The following TRAK1 variants were observed in gnomAD, a reference collection of about 807,000 sequenced individuals.
The protein encoded by TRAK1 is trafficking kinesin protein 1, also known as trafficking kinesin-binding protein 1.
A neutral mutation model predicts 92.1 loss-of-function variants in TRAK1; 33 were observed. The ratio of observed to expected loss-of-function variants is 0.36; its 90% CI spans 0.27 to 0.48. The LOEUF is 0.48. TRAK1 is among the 20% of genes least tolerant of loss of function. TRAK1 has a pLI of 0.99. For synonymous variants in TRAK1, 521 were observed against 517.3 expected (o/e 1.01, Z -0.10); for missense variants, 1,123 against 1,257.9 (o/e 0.89, Z 1.62).
At chr3:42,032,217 ATGC>A (rs1010888565) in intron 1 of TRAK1, among the ~76,000 whole-genome samples, 3 of 152,224 alleles carry the variant, frequency 2.0e-5, no homozygotes, top group Admixed American at 6.5e-5. Context: ...ACAGAAAATC[ATGC>A]TGCTTTCTGG....
At chr3:42,103,798 C>T (rs1256015142) in intron 1 of TRAK1, among the ~76,000 whole-genome samples, 1 of 152,132 alleles carries the variant, frequency 6.6e-6, no homozygotes, top group African/African-American at 2.4e-5. Flanking sequence ...TTCTTCATTT[C>T]CAACTGAGGT....
chr3:42,160,301 CG>C, intron 2 of TRAK1: 1 of 1,594,136 alleles, frequency 6.3e-7, no homozygotes, highest in Non-Finnish European at 8.6e-7. Flanking sequence ...GGTAGGGGGT[CG>C]GGGGCACCCC....
At chr3:42,138,015 C>T (rs1214071726) in intron 2 of TRAK1, among the ~76,000 whole-genome samples, 2 of 115,210 alleles carry the variant, frequency 1.7e-5, no homozygotes, top group African/African-American at 5.9e-5. Flanking sequence ...GTTTTATGAC[C>T]ATTTCTTAAT....
chr3:42,092,090 C>T (rs1211375568), intron 1 of TRAK1, among the ~76,000 whole-genome samples: 9 of 152,130 alleles, frequency 5.9e-5, no homozygotes, highest in Non-Finnish European at 1.2e-4. Flanking sequence ...CCCTCTCTTC[C>T]ACCCTCCCTT....
upstream of TRAK1, among the ~76,000 whole-genome samples, chr3:42,088,433 A>G (rs1704802820): frequency 6.6e-6 from 1 of 152,140 alleles, no homozygotes; most frequent in African/African-American, 2.4e-5. Context: ...CCCCTGAAGG[A>G]CACAGTTCCA....
chr3:42,206,672 T>G (rs1347812896), intron 13 of TRAK1, among the ~76,000 whole-genome samples: 2 of 152,216 alleles, frequency 1.3e-5, no homozygotes, highest in African/African-American at 2.4e-5. Context: ...TTGGCTGTTC[T>G]TACATGGGTG....
At chr3:42,083,587 G>A (rs544077526), upstream of TRAK1, among the ~76,000 whole-genome samples, 138 of 152,240 alleles carry the variant, frequency 9.1e-4, no homozygotes, top group African/African-American at 3.1e-3. Context: ...AAATTTCTGA[G>A]GAACTGGCTG....
chr3:42,052,892 C>T (rs1401880420), intron 1 of TRAK1, among the ~76,000 whole-genome samples: 1 of 152,158 alleles, frequency 6.6e-6, no homozygotes, highest in African/African-American at 2.4e-5. Context: ...AAACTGGTGG[C>T]TGAATGCGTA....
At position 42,202,577 on chromosome 3, in the gene TRAK1, G is replaced by A; in HGVS notation, c.1569G>A (p.Lys523=). 2 of 1,587,332 alleles carry A rather than the reference G, an allele frequency of 1.3e-6. No individual in the cohort carries two copies. The highest frequency in any genetic ancestry group is 1.7e-6 in the Non-Finnish European group (2 of 1,160,524). Residue 523 remains lysine, a synonymous_variant, in exon 13 of 16, where the codon AAG becomes AAA. Transcript: ENST00000327628. This position sits in a 1 kb window ranked among gnomAD's most constrained non-coding sequence, Gnocchi z 6.1. The stretch of plus-strand genomic sequence containing the variant: ...TCTTTGAGGAGGAGCAAGAGAGGAA[G>A]CTCCAGGAGCTGGCGGAGAAGGGCG... ...RRFFEEEQER[K]LQELAEKGEL... is the part of the protein sequence containing the mutation.
In TRAK1 at chr3:42,170,972, T is replaced by C. The variant is rs187852457; in HGVS notation, c.287-5842T>C. Among the ~76,000 whole-genome samples the C allele has an allele frequency of 6.4e-3, 969 of 152,156 alleles. 9 individuals carry two copies. Among genetic ancestry groups the C allele is most frequent in the Non-Finnish European group, 7.6e-3 (515 of 67,996 alleles). On this transcript the variant is annotated intron_variant, in intron 2 of 15. Transcript: ENST00000327628. ...CCCAGTGGCTGGGACTACAGGTGCC[T>C]GCCACCACACCCTGCTAATTTTTTT...
Position 42,125,460 on chromosome 3 carries a change from T to C in TRAK1, c.132T>C (p.Ile44=). 1 of 1,614,222 alleles carries C rather than the reference T, an allele frequency of 6.2e-7. No individual in the cohort carries two copies. Among genetic ancestry groups the C allele is most frequent in the Non-Finnish European group, 8.5e-7 (1 of 1,180,040 alleles). ...NSTDLPEVEI[I]SLLEEQLPHY... is the part of the protein sequence containing the mutation. ...CCGATCTTCCGGAAGTCGAGATCAT[T>C]AGCCTGCTGGAGGAGCAGCTGCCCC... The change falls in exon 2 of 16, where the codon ATT becomes ATC. Residue 44 remains isoleucine, a synonymous_variant. Coordinates refer to ENST00000327628, the MANE Select transcript of TRAK1 (RefSeq NM_001042646.3).
chr3:42,019,527 C>G (rs1311556606), intron 1 of TRAK1, among the ~76,000 whole-genome samples: 1 of 152,124 alleles, frequency 6.6e-6, no homozygotes, highest in Non-Finnish European at 1.5e-5. Context: ...CTTGGCCTCC[C>G]GAAGTACTGG....
chr3:42,024,902 A>T (rs759100901), intron 1 of TRAK1, among the ~76,000 whole-genome samples: 1 of 152,192 alleles, frequency 6.6e-6, no homozygotes, highest in Non-Finnish European at 1.5e-5. Flanking sequence ...CAGATTTTTC[A>T]GCTTCTCTTC....
intron 1 of TRAK1, among the ~76,000 whole-genome samples, chr3:42,025,906 C>T (rs1701895879): frequency 1.3e-5 from 2 of 152,194 alleles, no homozygotes; most frequent in African/African-American, 2.4e-5. Flanking sequence ...AAAAGAGGGA[C>T]TCTTTAACAA....
Position 42,202,922 on chromosome 3 carries a change from C to T in TRAK1, c.1744+170C>T. ...TCTGAGGGTGGTGCTCAGCCTAGGC[C>T]TCCGTCCCTCCCCTCTGGCTGGCAG... is the stretch of plus-strand genomic sequence containing the variant. On this transcript the variant is annotated intron_variant, in intron 13 of 15. Coordinates refer to ENST00000327628, the MANE Select transcript of TRAK1 (RefSeq NM_001042646.3). This position sits in a 1 kb window ranked among gnomAD's most constrained non-coding sequence, Gnocchi z 6.1. The T allele has an allele frequency of 7.1e-7, 1 of 1,416,470 alleles. No individual in the cohort carries two copies. The highest frequency in any genetic ancestry group is 1.6e-5 in the South Asian group (1 of 63,890). The allele number at this position is 1,416,470 out of a possible 1,614,324, so 87.7% of individuals were successfully genotyped here.
intron 1 of TRAK1, among the ~76,000 whole-genome samples, chr3:42,020,847 G>C (rs794890): frequency 1.3e-5 from 2 of 152,014 alleles, no homozygotes; most frequent in East Asian, 3.9e-4. Flanking sequence ...ACTTCCAGTT[G>C]GGGAGTTTGG....
chr3:42,184,553 A>G, intron 3 of TRAK1, 132 bp from the exon 4 acceptor site: 3 of 918,496 alleles, frequency 3.3e-6, no homozygotes, highest in Non-Finnish European at 5.1e-6. Flanking sequence ...AAATGCTAAC[A>G]CAGATGGTGA....
chr3:42,133,006 G>A (rs892234806), intron 2 of TRAK1, among the ~76,000 whole-genome samples: 1 of 152,080 alleles, frequency 6.6e-6, no homozygotes, highest in East Asian at 1.9e-4. Context: ...TCCCAGACCC[G>A]TTCTCTGACC....
chr3:42,149,202 A>G (rs1699668948), intron 2 of TRAK1: 2 of 1,091,082 alleles, frequency 1.8e-6, no homozygotes, highest in Non-Finnish European at 2.2e-6. Context: ...GTCACCCTCT[A>G]GGCGTCTGGA....
Sources: allele counts gnomAD v4.1 joint callset (sites outside exome capture counted in the v4.1 genomes callset), GRCh38; gene constraint gnomAD v4.1.1; non-coding constraint Gnocchi (gnomAD v3.1); transcripts MANE v1.5; gene names NCBI Gene and HGNC (gene_info 2026-07-23, HGNC 2026-07-21).